Variants in PRRC2B observed in about 807,000 individuals in gnomAD.
PRRC2B encodes proline rich coiled-coil 2B, also known as protein PRRC2B.
Under a neutral mutation model 242.3 loss-of-function variants are expected in PRRC2B, and 68 were observed. The observed-to-expected ratio is 0.28, with a 90% CI of 0.23 to 0.34. The LOEUF is 0.34. Among genes scored for constraint, PRRC2B ranks in the 10% least tolerant of loss-of-function variants. The probability of loss-of-function intolerance (pLI) is 1.00; values close to 1 mark genes in which losing one functional copy is unlikely to be tolerated. For missense variants in PRRC2B, 2,835 were observed against 2,954.8 expected, an observed-to-expected ratio of 0.96 and a Z score of 0.94; for synonymous variants, 1,228 against 1,173.6, an observed-to-expected ratio of 1.05 and a Z score of -0.95.
chr9:131,485,727 A>C (rs551583793), intron 25 of PRRC2B: 8 of 571,686 alleles, frequency 1.4e-5, no homozygotes, highest in African/African-American at 1.3e-4. Flanking sequence ...TAGCAGGGAG[A>C]TGAAGAGGAC....
In PRRC2B at chr9:131,487,783, T is replaced by C; in HGVS notation, c.5985-73T>C. 2 of 1,545,882 alleles carry C rather than the reference T, an allele frequency of 1.3e-6. No homozygotes were observed. The highest frequency in any genetic ancestry group is 1.8e-6 in the Non-Finnish European group (2 of 1,140,510). On this transcript the variant is annotated intron_variant, in intron 27 of 31. Transcript: ENST00000683519. The surrounding 1 kb of genome is among the most constrained non-coding windows in gnomAD (Gnocchi z 5.3). ...TGTGGTTTAGCAAGCTCTCCGGGGA[T>C]CTCTGAAGGGTGGGACCAGATCCGC...
At chr9:131,479,105 G>A in intron 18 of PRRC2B, 147 bp from the exon 19 acceptor site, 1 of 757,836 alleles carries the variant, frequency 1.3e-6, no homozygotes, top group Non-Finnish European at 2.1e-6. Flanking sequence ...TCGCAGTTCT[G>A]CTTGAGGTTT....
Position 131,487,572 on chromosome 9 carries a change from G to A in PRRC2B, c.5984+278G>A, listed in dbSNP as rs189781179. ...CCTCCTCCTCTCCCCTTGACTCCCT[G>A]TCTCCTCCCCACCGCGGGCTTCTCC... On this transcript the variant is annotated intron_variant, in intron 27 of 31. Transcript: ENST00000683519. The surrounding 1 kb of genome is among the most constrained non-coding windows in gnomAD (Gnocchi z 5.3). Among the ~76,000 whole-genome samples the A allele has an allele frequency of 2.0e-5, 3 of 152,234 alleles. No individual in the cohort carries two copies. Among genetic ancestry groups the A allele is most frequent in the African/African-American group, 4.8e-5 (2 of 41,536 alleles).
At chr9:131,472,187 G>T (rs1239258153) in intron 14 of PRRC2B, among the ~76,000 whole-genome samples, 2 of 152,132 alleles carry the variant, frequency 1.3e-5, no homozygotes, top group African/African-American at 4.8e-5. Flanking sequence ...GCCTCTTTGA[G>T]CCCTTATGTT....
At chr9:131,389,004 CA>C (rs1414432517) in intron 1 of PRRC2B, among the ~76,000 whole-genome samples, 1 of 146,032 alleles carries the variant, frequency 6.8e-6, no homozygotes, top group Non-Finnish European at 1.5e-5. Flanking sequence ...CCACTCCTGG[CA>C]AATTTTTTGT....
Position 131,482,417 on chromosome 9 carries a change from C to G in PRRC2B, c.5030C>G (p.Ala1677Gly). 6.3e-7 allele frequency: 1 copy of G among 1,599,950 alleles called. No homozygotes were observed. Among genetic ancestry groups the G allele is most frequent in the South Asian group, 1.1e-5 (1 of 90,578 alleles). The change falls in exon 21 of 32, where the codon GCC becomes GGC. Residue 1677 changes from alanine (A) to glycine (G), a missense_variant. Ala to Gly is a moderately conservative substitution (Grantham distance 60). Coordinates refer to ENST00000683519, the MANE Select transcript of PRRC2B (RefSeq NM_013318.4). The surrounding 1 kb of genome is among the most constrained non-coding windows in gnomAD (Gnocchi z 5.2). ...GGAGATAGTGGCGTTGACTTGAGTG[C>G]CGAGTCTCGGGAGTCGTCTGCGACC... is the stretch of plus-strand genomic sequence containing the variant. ...SQGDSGVDLS[A>G]ESRESSATSS...
chr9:131,494,817 T>C lies in PRRC2B; in HGVS notation c.6555+331T>C, dbSNP rs1944286962. On this transcript the variant is annotated intron_variant, in intron 31 of 31. Transcript: ENST00000683519. The surrounding 1 kb of genome is among the most constrained non-coding windows in gnomAD (Gnocchi z 4.3). The stretch of plus-strand genomic sequence containing the variant: ...CTCGGTTAGGTTTGGGGGTCGGCTT[T>C]AGGAGCCGGGGTGCGCGCGCTGGTT... 6.6e-6 allele frequency among the ~76,000 whole-genome samples: 1 copy of C among 152,124 alleles called. No individual in the cohort carries two copies. Among genetic ancestry groups the C allele is most frequent in the Non-Finnish European group, 1.5e-5 (1 of 68,012 alleles).
intron 1 of PRRC2B, among the ~76,000 whole-genome samples, chr9:131,420,486 T>TTTCCTTCC (rs1214915189): frequency 5.5e-5 from 1 of 18,270 alleles, no homozygotes; most frequent in African/African-American, 1.2e-4. Flanking sequence ...TCTTTCTTTC[T>TTTCCTTCC]TTCTTTCTTT....
At chr9:131,488,888 C>T (rs1458445544) in intron 28 of PRRC2B, among the ~76,000 whole-genome samples, 1 of 152,220 alleles carries the variant, frequency 6.6e-6, no homozygotes, top group Non-Finnish European at 1.5e-5. Context: ...GAAGGTCACC[C>T]TCCTTGTCTG....
intron 1 of PRRC2B, among the ~76,000 whole-genome samples, chr9:131,428,237 A>G (rs1220669805): frequency 6.6e-6 from 1 of 150,804 alleles, no homozygotes; most frequent in Non-Finnish European, 1.5e-5. Flanking sequence ...TTTGTTTTTT[A>G]AGAGATAGGA....
At chr9:131,405,756 C>T (rs561974275) in intron 1 of PRRC2B, among the ~76,000 whole-genome samples, 1 of 152,182 alleles carries the variant, frequency 6.6e-6, no homozygotes, top group South Asian at 2.1e-4. Flanking sequence ...AGAGAGAGCT[C>T]GCTGGGAGAG....
chr9:131,457,480 G>A (rs1255922311), intron 10 of PRRC2B, among the ~76,000 whole-genome samples: 1 of 152,182 alleles, frequency 6.6e-6, no homozygotes, highest in Non-Finnish European at 1.5e-5. Context: ...ATCTCCTCCT[G>A]AAACCTGCTC....
In PRRC2B at chr9:131,446,692, C is replaced by T; in HGVS notation, c.855+50C>T. On this transcript the variant is annotated intron_variant, in intron 7 of 31. Transcript: ENST00000683519. The surrounding 1 kb of genome is among the most constrained non-coding windows in gnomAD (Gnocchi z 4.1). ...TTCCCCCCATGAAGTTGGATTGTGTCCAGCAGATAGGTCAAGTGGTTGAAT... is the reference window on the plus strand; with the variant it reads ...TTCCCCCCATGAAGTTGGATTGTGTTCAGCAGATAGGTCAAGTGGTTGAAT... 6.3e-7 allele frequency: 1 copy of T among 1,599,944 alleles called. No homozygotes were observed. Among genetic ancestry groups the T allele is most frequent in the Non-Finnish European group, 8.5e-7 (1 of 1,170,842 alleles).
At chr9:131,389,923 T>G (rs921290320), upstream of PRRC2B, among the ~76,000 whole-genome samples, 1 of 130,100 alleles carries the variant, frequency 7.7e-6, no homozygotes, top group African/African-American at 2.9e-5. Flanking sequence ...TTGTTTTTTT[T>G]TTTGTTTTTT....
chr9:131,446,352 C>A lies in PRRC2B; in HGVS notation c.614-49C>A. 1 of 1,605,018 alleles carries A rather than the reference C, an allele frequency of 6.2e-7. No homozygotes were observed. The highest frequency in any genetic ancestry group is 8.5e-7 in the Non-Finnish European group (1 of 1,175,528). ...ACCTTCAGAACCTCATACGATCCCT[C>A]CTTCCCCCTCCTCTTCCCTCTCCCC... On this transcript the variant is annotated intron_variant, in intron 6 of 31. Transcript: ENST00000683519. The surrounding 1 kb of genome is among the most constrained non-coding windows in gnomAD (Gnocchi z 4.1).
rs912936811 is a variant in PRRC2B, at chr9:131,439,073, C to CGT, written c.469+21_469+22dup. 5 of 1,611,950 alleles carry CGT rather than the reference C, an allele frequency of 3.1e-6. No individual in the cohort carries two copies. In the African/African-American group the frequency reaches 5.3e-5, roughly 17 times the overall value. ...AGGACACGAAGGTGGTAAGTGCGCA[C>CGT]GTGTGTGTGTTGTTTGGGGACGCTG... On this transcript the variant is annotated intron_variant, in intron 5 of 31. Coordinates refer to ENST00000683519, the MANE Select transcript of PRRC2B (RefSeq NM_013318.4).
chr9:131,479,586 G>A (rs1209558333), intron 19 of PRRC2B, among the ~76,000 whole-genome samples, 193 bp downstream of exon 19: 4 of 115,662 alleles, frequency 3.5e-5, no homozygotes, highest in Non-Finnish European at 7.1e-5. Flanking sequence ...ACCCCCAAAC[G>A]GATACACAAT....
intron 1 of PRRC2B, 65 bp from the exon 2 acceptor site, chr9:131,430,029 T>A: frequency 1.6e-6 from 1 of 644,798 alleles, no homozygotes. Flanking sequence ...GAGGTTCTGC[T>A]GTAGTGACAC....
upstream of PRRC2B, among the ~76,000 whole-genome samples, chr9:131,391,704 A>T (rs1228214754): frequency 2.6e-5 from 4 of 152,174 alleles, no homozygotes; most frequent in Admixed American, 2.6e-4. Flanking sequence ...GTCACATAGT[A>T]AGTGCTCAGT....
Sources: allele counts gnomAD v4.1 joint callset (sites outside exome capture counted in the v4.1 genomes callset), GRCh38; gene constraint gnomAD v4.1.1; non-coding constraint Gnocchi (gnomAD v3.1); transcripts MANE v1.5; gene names NCBI Gene and HGNC (gene_info 2026-07-23, HGNC 2026-07-21).